The following ZNF723 variants were observed in gnomAD, a reference collection of about 807,000 sequenced individuals.
The protein encoded by ZNF723 is zinc finger protein 723, pseudogene.
In ZNF723, 5 loss-of-function variants were observed where a neutral mutation model predicts 9.4. The observed-to-expected ratio is 0.53, with a 90% confidence interval of 0.28 to 1.12. ZNF723 has a LOEUF of 1.12. Among genes scored for constraint, ZNF723 ranks in the 50% most tolerant of loss-of-function variants. The pLI, the probability that ZNF723 is intolerant of heterozygous loss-of-function variation, is 0.10. For missense variants in ZNF723, 450 were observed against 501.5 expected, an observed-to-expected ratio of 0.90 and a Z score of 0.98; for synonymous variants, 158 against 168.8, an observed-to-expected ratio of 0.94 and a Z score of 0.49.
chr19:22,857,453 C>T lies in ZNF723; in HGVS notation c.562C>T (p.Leu188=). 9.8e-7 allele frequency: 1 copy of T among 1,016,534 alleles called. No homozygotes were observed. The highest frequency in any genetic ancestry group is 1.3e-5 in the South Asian group (1 of 77,524). The allele number at this position is 1,016,534 out of a possible 1,614,324, so 63.0% of individuals were successfully genotyped here. ...CAAATCATTTTGCATGCTTTCACAC[C>T]TAACTAAACATGAAAGAAATCATAC... ...CGKSFCMLSH[L]TKHERNHTRV... Residue 188 remains leucine, a synonymous_variant, in exon 4 of 4, where the codon CTA becomes TTA. Transcript: ENST00000600766.
At chr19:22,852,792 A>G (rs1967416865) in intron 3 of ZNF723, among the ~76,000 whole-genome samples, 1 of 152,094 alleles carries the variant, frequency 6.6e-6, no homozygotes, top group Admixed American at 6.6e-5. Flanking sequence ...CTAAATCTTG[A>G]CACATTGAAC....
At chr19:22,836,123 CA>C (rs1413356744) in intron 1 of ZNF723, among the ~76,000 whole-genome samples, 1 of 152,086 alleles carries the variant, frequency 6.6e-6, no homozygotes, top group Non-Finnish European at 1.5e-5. Flanking sequence ...ATTGAGCCTG[CA>C]AAAGGAGGTT....
chr19:22,834,895 C>T (rs1253177652), intron 1 of ZNF723, among the ~76,000 whole-genome samples: 1 of 152,040 alleles, frequency 6.6e-6, no homozygotes, highest in Non-Finnish European at 1.5e-5. Flanking sequence ...CAAGAATTTG[C>T]AAAGTAAACT....
At chr19:22,817,736 A>G in the ZNF723 span, among the ~76,000 whole-genome samples, 1 of 152,226 alleles carries the variant, frequency 6.6e-6, no homozygotes. Context: ...TAGCCAATAG[A>G]AGAAATGCTA....
chr19:22,831,908 C>CAA (rs34288194), upstream of ZNF723, among the ~76,000 whole-genome samples: 22,285 of 143,086 alleles, frequency 0.16, 1,671 homozygotes, highest in East Asian at 0.18. Flanking sequence ...GACTCTGTCT[C>CAA]AAAAAAAAAA....
intron 3 of ZNF723, among the ~76,000 whole-genome samples, chr19:22,853,409 G>A (rs1040275897): frequency 1.1e-4 from 16 of 152,040 alleles, no homozygotes; most frequent in African/African-American, 3.9e-4. Context: ...GAGCAGCATG[G>A]ACATCTTCAA....
chr19:22,828,891 G>A (rs2145198706), upstream of ZNF723, among the ~76,000 whole-genome samples: 1 of 152,180 alleles, frequency 6.6e-6, no homozygotes, highest in South Asian at 2.1e-4. Flanking sequence ...ATAAATAATA[G>A]GCCAGACACG....
chr19:22,822,527 T>C, the ZNF723 span, among the ~76,000 whole-genome samples: 1 of 152,172 alleles, frequency 6.6e-6, no homozygotes, highest in Non-Finnish European at 1.5e-5. Flanking sequence ...TCCCTTCCAA[T>C]GGTACAGAGA....
intron 1 of ZNF723, among the ~76,000 whole-genome samples, chr19:22,846,184 T>C (rs1339539155): frequency 6.6e-6 from 1 of 152,128 alleles, no homozygotes; most frequent in Non-Finnish European, 1.5e-5. Flanking sequence ...TTTGTGGCTG[T>C]TGAACATGGG....
At chr19:22,813,548 T>C in the ZNF723 span, among the ~76,000 whole-genome samples, 1 of 151,964 alleles carries the variant, frequency 6.6e-6, no homozygotes, top group Non-Finnish European at 1.5e-5. Context: ...ATTCTCCTAT[T>C]TGTTCCCTGC....
Position 22,858,488 on chromosome 19 carries a change from C to G in ZNF723, c.*55C>G, listed in dbSNP as rs1437630274. 3 of 617,900 alleles carry G rather than the reference C, an allele frequency of 4.9e-6. No individual in the cohort carries two copies. The highest frequency in any genetic ancestry group is 8.4e-6 in the Non-Finnish European group (3 of 356,298). 38.3% of individuals were successfully genotyped at this position (617,900 alleles called of 1,614,324 possible). On this transcript the variant is annotated 3_prime_UTR_variant, in exon 4 of 4. Coordinates refer to ENST00000600766, the MANE Select transcript of ZNF723 (RefSeq NM_001349726.2). The stretch of plus-strand genomic sequence containing the variant: ...TTAAACATAAAAGAAATGCTGGTGG[C>G]CAGGCACAGTAGCTTACGCCTGTAA...
intron 1 of ZNF723, among the ~76,000 whole-genome samples, chr19:22,836,380 TAAAA>T (rs201935561): frequency 7.0e-4 from 106 of 151,670 alleles, no homozygotes; most frequent in African/African-American, 2.4e-3. Context: ...CAGATTTATG[TAAAA>T]AAAAATTAAA....
At chr19:22,835,362 A>C (rs117772217) in intron 1 of ZNF723, among the ~76,000 whole-genome samples, 2,669 of 151,850 alleles carry the variant, frequency 0.018, 33 homozygotes, top group Non-Finnish European at 0.028. Context: ...TGCCACCTTG[A>C]AAAGATTTGT....
At chr19:22,837,276 T>TAAAA (rs35892606) in intron 1 of ZNF723, among the ~76,000 whole-genome samples, 1 of 125,006 alleles carries the variant, frequency 8.0e-6, no homozygotes, top group African/African-American at 2.9e-5. Context: ...GACTCTGGCT[T>TAAAA]AAAAAAAAAA....
chr19:22,839,837 CATT>C (rs1967218121), intron 1 of ZNF723, among the ~76,000 whole-genome samples: 1 of 152,066 alleles, frequency 6.6e-6, no homozygotes, highest in Admixed American at 6.6e-5. Flanking sequence ...GAAGGTATCT[CATT>C]GTGTATTTTC....
intron 1 of ZNF723, among the ~76,000 whole-genome samples, chr19:22,837,860 C>G (rs1472064080): frequency 6.6e-6 from 1 of 152,008 alleles, no homozygotes; most frequent in African/African-American, 2.4e-5. Context: ...TTGGCATATC[C>G]CTACCCCCAG....
the ZNF723 span, among the ~76,000 whole-genome samples, chr19:22,821,440 G>T: frequency 2.7e-4 from 41 of 152,120 alleles, no homozygotes; most frequent in African/African-American, 9.6e-4. Context: ...CTTTACACAG[G>T]GTGGATTGTG....
At chr19:22,813,387 A>G in the ZNF723 span, among the ~76,000 whole-genome samples, 1 of 151,734 alleles carries the variant, frequency 6.6e-6, no homozygotes, top group Non-Finnish European at 1.5e-5. Flanking sequence ...GTGACTCCAT[A>G]CTCCTGCCTT....
In ZNF723 at chr19:22,849,214, G is replaced by A. The variant is rs1055261954; in HGVS notation, c.147G>A (p.Lys49=). Residue 49 remains lysine, a synonymous_variant, in exon 3 of 4, where the codon AAG becomes AAA. Coordinates refer to ENST00000600766, the MANE Select transcript of ZNF723 (RefSeq NM_001349726.2). ...ATAAAACAGGTGTTGGTGTCTCTAA[G>A]CCAGATTTAATCACCTGTCTGGAGC... ...NLVFLGVGVS[K]PDLITCLEQG... The A allele has an allele frequency of 3.2e-6, 2 of 633,234 alleles. No individual in the cohort carries two copies. The highest frequency in any genetic ancestry group is 5.7e-6 in the Non-Finnish European group (2 of 349,046). 39.2% of individuals were successfully genotyped at this position (633,234 alleles called of 1,614,324 possible). A position where few individuals can be genotyped will look rare whatever the true frequency, so the allele number is the denominator to read the frequency against.
Sources: allele counts gnomAD v4.1 joint callset (sites outside exome capture counted in the v4.1 genomes callset), GRCh38; gene constraint gnomAD v4.1.1; transcripts MANE v1.5; gene names NCBI Gene and HGNC (gene_info 2026-07-23, HGNC 2026-07-21).